Variants in ADGRL2 observed in about 807,000 individuals in gnomAD.
ADGRL2 encodes calcium-independent alpha-latrotoxin receptor 2.
ADGRL2 carries 44 observed loss-of-function variants against 157.4 expected under a neutral mutation model. The ratio of observed to expected loss-of-function variants is 0.28; its 90% CI spans 0.22 to 0.36. ADGRL2 has a LOEUF of 0.36. Among genes scored for constraint, ADGRL2 ranks in the 10% least tolerant of loss-of-function variants. The pLI, the probability that ADGRL2 is intolerant of heterozygous loss-of-function variation, is 1.00. For missense variants in ADGRL2, 1,510 were observed against 1,768.9 expected, an observed-to-expected ratio of 0.85 and a Z score of 2.63; for synonymous variants, 585 against 624.7, an observed-to-expected ratio of 0.94 and a Z score of 0.95.
intron 1 of ADGRL2, among the ~76,000 whole-genome samples, chr1:81,436,285 G>A (rs1469876210): frequency 6.6e-6 from 1 of 152,116 alleles, no homozygotes; most frequent in East Asian, 1.9e-4. Context: ...CATCACGGTA[G>A]AGCATGGTAA....
intron 1 of ADGRL2, among the ~76,000 whole-genome samples, chr1:81,701,102 C>G (rs918487168): frequency 6.6e-6 from 1 of 152,174 alleles, no homozygotes; most frequent in Admixed American, 6.5e-5. Flanking sequence ...CTGTAGTTAG[C>G]AAACAGATTT....
chr1:81,434,579 A>T (rs1210901934), intron 1 of ADGRL2, among the ~76,000 whole-genome samples: 1 of 152,170 alleles, frequency 6.6e-6, no homozygotes, highest in Non-Finnish European at 1.5e-5. Context: ...TGAATACAAA[A>T]CTGTAGGAAA....
intron 1 of ADGRL2, among the ~76,000 whole-genome samples, chr1:81,324,125 G>A (rs908441488): frequency 1.3e-5 from 2 of 152,216 alleles, no homozygotes; most frequent in South Asian, 4.1e-4. Context: ...CCCTTTAAGA[G>A]GCTATTGTAG....
chr1:81,565,393 T>G (rs2080535074), intron 2 of ADGRL2, among the ~76,000 whole-genome samples: 4 of 152,214 alleles, frequency 2.6e-5, no homozygotes. Context: ...GGAATATGGA[T>G]GATGAATGAA....
At chr1:81,496,041 C>T (rs1240507034) in intron 2 of ADGRL2, among the ~76,000 whole-genome samples, 1 of 152,066 alleles carries the variant, frequency 6.6e-6, no homozygotes, top group Admixed American at 6.6e-5. Context: ...ATAAATTAAC[C>T]ATGAGACACA....
intron 3 of ADGRL2, among the ~76,000 whole-genome samples, chr1:81,672,331 A>G (rs1291496675): frequency 6.6e-6 from 1 of 152,186 alleles, no homozygotes; most frequent in Non-Finnish European, 1.5e-5. Flanking sequence ...AAGCTCTTTC[A>G]TGTTGCTTTC....
chr1:81,669,390 G>A lies in ADGRL2; in HGVS notation c.-143+88410G>A, dbSNP rs578059152. 5.3e-5 allele frequency among the ~76,000 whole-genome samples: 8 copies of A among 152,180 alleles called. No homozygotes were observed. The South Asian group carries it at 1.5e-3, about 28-fold the overall frequency. On this transcript the variant is annotated intron_variant, in intron 3 of 24. Transcript: ENST00000370721. The stretch of plus-strand genomic sequence containing the variant: ...TGACTGCACAGCACACTGCACTCCA[G>A]CCTGGGCAATGTAGCAAGACTCCAT...
chr1:81,802,564 A>T (rs1261037072), intron 1 of ADGRL2, among the ~76,000 whole-genome samples: 1 of 152,100 alleles, frequency 6.6e-6, no homozygotes, highest in African/African-American at 2.4e-5. Flanking sequence ...TCCCGTAGCC[A>T]TGCATTTTTT....
At chr1:81,586,227 A>C (rs919141429) in intron 3 of ADGRL2, 1 of 152,028 alleles carries the variant, frequency 6.6e-6, no homozygotes, top group Non-Finnish European at 1.5e-5. Context: ...AGTCCAAAGC[A>C]CAGGAAGAAG....
intron 2 of ADGRL2, among the ~76,000 whole-genome samples, chr1:81,532,307 C>T (rs2079619693): frequency 6.6e-6 from 1 of 152,014 alleles, no homozygotes; most frequent in Admixed American, 6.6e-5. Context: ...ATAAGGTTAC[C>T]CTAATGTTTC....
intron 4 of ADGRL2, 38 bp downstream of exon 4, chr1:81,936,875 G>C (rs2095318070): frequency 7.9e-7 from 1 of 1,262,034 alleles, no homozygotes. Context: ...ACTTTGCCCA[G>C]CATTACTTGT....
intron 6 of ADGRL2, among the ~76,000 whole-genome samples, chr1:81,948,215 C>CAAA (rs199847998): frequency 8.3e-6 from 1 of 120,282 alleles, no homozygotes. Flanking sequence ...GACTCCATCT[C>CAAA]AAAAAAAAAA....
chr1:81,867,410 TG>T (rs1475062071), intron 2 of ADGRL2, among the ~76,000 whole-genome samples: 3 of 152,242 alleles, frequency 2.0e-5, no homozygotes, highest in African/African-American at 7.2e-5. Flanking sequence ...TGTTGCTATG[TG>T]CTCATGGGCC....
chr1:81,504,457 T>A (rs1195096038), intron 2 of ADGRL2, among the ~76,000 whole-genome samples: 11 of 152,206 alleles, frequency 7.2e-5, no homozygotes, highest in African/African-American at 2.2e-4. Context: ...TATTTGCATC[T>A]CTGAAATCTT....
At chr1:81,567,114 GA>G (rs1277830109) in intron 2 of ADGRL2, among the ~76,000 whole-genome samples, 1 of 152,088 alleles carries the variant, frequency 6.6e-6, no homozygotes, top group African/African-American at 2.4e-5. Flanking sequence ...ACAATGTGGG[GA>G]TCAGAGGGGC....
Position 81,990,391 on chromosome 1 carries a change from G to C in ADGRL2, c.3656G>C (p.Arg1219Thr). 6.2e-7 allele frequency: 1 copy of C among 1,611,532 alleles called. No individual in the cohort carries two copies. The highest frequency in any genetic ancestry group is 8.5e-7 in the Non-Finnish European group (1 of 1,178,194). The change falls in exon 24 of 24, where the codon AGA becomes ACA. Residue 1219 changes from arginine to threonine, a missense_variant and splice_region_variant. This residue lies in a region of ADGRL2 where 327 missense variants were observed against 310.1 expected (regional missense o/e 1.05). Coordinates refer to ENST00000686636, the MANE Select transcript of ADGRL2 (RefSeq NM_001366006.2). ...GATAACTCCCCCTCTTCTGTTTCAG[G>C]ACATTCACTGAACAATGCCAGGGAT... ...FNSPATYRET[R>T]HSLNNARDTS... is the part of the protein sequence containing the mutation.
intron 2 of ADGRL2, among the ~76,000 whole-genome samples, chr1:81,525,884 T>A (rs952673142): frequency 6.6e-6 from 1 of 152,168 alleles, no homozygotes; most frequent in Non-Finnish European, 1.5e-5. Context: ...TTCTAAAACA[T>A]GGATTGATAT....
intron 2 of ADGRL2, among the ~76,000 whole-genome samples, chr1:81,768,697 TC>T (rs2086233976): frequency 3.3e-5 from 5 of 152,066 alleles, no homozygotes; most frequent in Admixed American, 3.3e-4. Context: ...GGTCTCAAAC[TC>T]CCTAGCTCAA....
intron 1 of ADGRL2, among the ~76,000 whole-genome samples, chr1:81,815,761 T>A (rs1005002243): frequency 2.6e-5 from 4 of 151,858 alleles, no homozygotes; most frequent in Non-Finnish European, 5.9e-5. Context: ...AATTTTCTTA[T>A]ATTGTGTTAC....
Sources: gnomAD v4.1 joint callset for allele counts (sites outside exome capture counted in the v4.1 genomes callset) on GRCh38, gnomAD v4.1.1 for gene constraint, gnomAD v4.1.1 regional missense constraint, MANE v1.5 for transcripts, NCBI Gene and HGNC (gene_info 2026-07-23, HGNC 2026-07-21) for gene names.